The following KCNIP4 variants were observed in gnomAD, a reference collection of about 807,000 sequenced individuals.
KCNIP4 encodes the protein Kv channel-interacting protein 4.
A neutral mutation model predicts 34.0 loss-of-function variants in KCNIP4; 12 were observed. The observed-to-expected ratio is 0.35, with a 90% CI of 0.23 to 0.57. The LOEUF is 0.57. Ranked by LOEUF, KCNIP4 falls within the 20% of genes least tolerant of loss-of-function variation. The pLI is 0.83. For missense variants in KCNIP4, 238 were observed against 311.7 expected, an observed-to-expected ratio of 0.76 and a Z score of 1.78; for synonymous variants, 124 against 102.2, an observed-to-expected ratio of 1.21 and a Z score of -1.29.
At chr4:21,655,050 T>C (rs1747814519) in intron 1 of KCNIP4, among the ~76,000 whole-genome samples, 1 of 152,146 alleles carries the variant, frequency 6.6e-6, no homozygotes, top group Non-Finnish European at 1.5e-5. Flanking sequence ...ACTTCCTAAA[T>C]GTCCTCACCC....
At chr4:20,747,673 C>T (rs765192833) in intron 5 of KCNIP4, among the ~76,000 whole-genome samples, 14 of 152,120 alleles carry the variant, frequency 9.2e-5, no homozygotes, top group African/African-American at 1.2e-4. Context: ...TTTTTCTCTT[C>T]TCAGTGCTAT....
At chr4:20,745,044 T>G (rs955601283) in intron 5 of KCNIP4, among the ~76,000 whole-genome samples, 4 of 152,288 alleles carry the variant, frequency 2.6e-5, no homozygotes, top group Admixed American at 2.0e-4. Context: ...ACTCAGACTC[T>G]TGCTAGGAAT....
chr4:21,495,651 A>C (rs2109872393), intron 1 of KCNIP4, among the ~76,000 whole-genome samples: 1 of 151,370 alleles, frequency 6.6e-6, no homozygotes, highest in East Asian at 2.0e-4. Context: ...CACCCTTTGC[A>C]CTTCCTTCCT....
At position 21,209,355 on chromosome 4, in the gene KCNIP4, TA is replaced by T. The variant is rs913529229; in HGVS notation, c.62-326647del. Among the ~76,000 whole-genome samples, 82 of 152,186 alleles carry T rather than the reference TA, an allele frequency of 5.4e-4. 1 individual carries two copies. Among genetic ancestry groups the T allele is most frequent in the Non-Finnish European group, 1.8e-4 (12 of 68,026 alleles). On this transcript the variant is annotated intron_variant, in intron 1 of 8. Transcript: ENST00000382152. ...ATAAAACACTAGAACTTATTCCTCC[TA>T]TCTAGCTGTAATTTTGTATCCTTTA...
intron 1 of KCNIP4, among the ~76,000 whole-genome samples, chr4:21,797,355 G>C (rs1720690883): frequency 1.3e-5 from 2 of 152,086 alleles, no homozygotes; most frequent in South Asian, 4.2e-4. Context: ...ATGTTGCTTA[G>C]GTTGGTCTTG....
chr4:20,974,586 G>C (rs1345856551), intron 1 of KCNIP4, among the ~76,000 whole-genome samples: 1 of 152,140 alleles, frequency 6.6e-6, no homozygotes, highest in Non-Finnish European at 1.5e-5. Context: ...TTGATGCTCA[G>C]TGCTAAAAGT....
intron 1 of KCNIP4, among the ~76,000 whole-genome samples, chr4:21,233,137 G>C (rs1758920935): frequency 6.6e-6 from 1 of 152,140 alleles, no homozygotes; most frequent in Non-Finnish European, 1.5e-5. Flanking sequence ...AAACTGGCCT[G>C]AAATGCAAAG....
chr4:21,033,340 A>T (rs974518217), intron 1 of KCNIP4, among the ~76,000 whole-genome samples: 3 of 152,154 alleles, frequency 2.0e-5, no homozygotes, highest in African/African-American at 7.2e-5. Context: ...TAGGTTTTCC[A>T]TTTACAAGGA....
intron 3 of KCNIP4, among the ~76,000 whole-genome samples, chr4:20,801,704 A>G (rs904905669): frequency 1.3e-5 from 2 of 152,148 alleles, no homozygotes; most frequent in African/African-American, 4.8e-5. Flanking sequence ...CAATAAAAAG[A>G]AAGGAATAAA....
chr4:21,693,107 TCC>T lies in KCNIP4; in HGVS notation c.61+255462_61+255463del, dbSNP rs1711866221. ...TCCGATTTTGCTTAGGATCACCTCT[TCC>T]AGACAGAGTGGTGGCCTTGAGTACA... On this transcript the variant is annotated intron_variant, in intron 1 of 8. Coordinates refer to ENST00000382152, the MANE Select transcript of KCNIP4 (RefSeq NM_025221.6). Among the ~76,000 whole-genome samples the T allele has an allele frequency of 1.1e-4, 13 of 115,934 alleles. 4 individuals carry two copies. Among genetic ancestry groups the T allele is most frequent in the Non-Finnish European group, 1.2e-4 (6 of 51,926 alleles). The allele number at this position is 115,934 out of a possible 152,430, so 76.1% of individuals were successfully genotyped here.
chr4:20,893,844 C>A (rs142791806), intron 1 of KCNIP4, among the ~76,000 whole-genome samples: 2 of 152,048 alleles, frequency 1.3e-5, no homozygotes, highest in African/African-American at 2.4e-5. Flanking sequence ...ATTTCTTTTC[C>A]GCAAGCTAAC....
intron 2 of KCNIP4, among the ~76,000 whole-genome samples, chr4:20,876,851 C>T (rs532989860): frequency 7.9e-5 from 12 of 152,232 alleles, no homozygotes; most frequent in African/African-American, 1.7e-4. Context: ...GGATTACAGG[C>T]GTGAGCCACC....
intron 1 of KCNIP4, among the ~76,000 whole-genome samples, chr4:20,918,677 G>A (rs561055785): frequency 2.0e-3 from 309 of 152,272 alleles, no homozygotes; most frequent in African/African-American, 6.8e-3. Flanking sequence ...AGCAAGAGTG[G>A]TCTCACCCTG....
intron 1 of KCNIP4, among the ~76,000 whole-genome samples, chr4:21,070,070 A>G (rs1421755611): frequency 6.6e-6 from 1 of 152,224 alleles, no homozygotes; most frequent in Non-Finnish European, 1.5e-5. Context: ...AGAGACTACT[A>G]TATAAATGGA....
intron 1 of KCNIP4, among the ~76,000 whole-genome samples, chr4:21,015,945 T>C (rs904638160): frequency 2.8e-5 from 4 of 144,314 alleles, no homozygotes; most frequent in African/African-American, 1.0e-4. Context: ...TTTTTATATA[T>C]TAAAAAAGAG....
chr4:21,033,544 C>T lies in KCNIP4; in HGVS notation c.62-150835G>A, dbSNP rs568866092. Reference sequence around the variant, plus strand: ...TTATGTCCTCACATAACTTTTATAGCTGATTCTCTTAAAGAAGGATAGAGT... The same window carrying T: ...TTATGTCCTCACATAACTTTTATAGTTGATTCTCTTAAAGAAGGATAGAGT... On this transcript the variant is annotated intron_variant, in intron 1 of 8. Coordinates refer to ENST00000382152, the MANE Select transcript of KCNIP4 (RefSeq NM_025221.6). 2.0e-5 allele frequency among the ~76,000 whole-genome samples: 3 copies of T among 152,232 alleles called. No homozygotes were observed. The East Asian group carries it at 5.8e-4, about 29-fold the overall frequency.
At chr4:21,732,341 A>C (rs1048559326) in intron 1 of KCNIP4, among the ~76,000 whole-genome samples, 3 of 152,156 alleles carry the variant, frequency 2.0e-5, no homozygotes, top group African/African-American at 7.2e-5. Context: ...AAAATATGAG[A>C]TATTTCAAAG....
At chr4:20,829,436 T>C (rs1578719495) in intron 3 of KCNIP4, among the ~76,000 whole-genome samples, 1 of 152,096 alleles carries the variant, frequency 6.6e-6, no homozygotes, top group East Asian at 1.9e-4. Context: ...CTCAATCTTC[T>C]GACCTTGTGA....
At chr4:21,829,486 A>T (rs1251054666) in intron 1 of KCNIP4, among the ~76,000 whole-genome samples, 6 of 151,614 alleles carry the variant, frequency 4.0e-5, no homozygotes, top group African/African-American at 1.5e-4. Context: ...TTTCCAAAAA[A>T]GTAGAGGAAA....
Sources: gnomAD v4.1 joint callset for allele counts (sites outside exome capture counted in the v4.1 genomes callset) on GRCh38, gnomAD v4.1.1 for gene constraint, MANE v1.5 for transcripts, NCBI Gene and HGNC (gene_info 2026-07-23, HGNC 2026-07-21) for gene names.